The following CARD8 variants were observed in gnomAD, a reference collection of about 807,000 sequenced individuals.
CARD8 encodes caspase recruitment domain-containing protein 8.
CARD8 carries 38 observed loss-of-function variants against 53.2 expected under a neutral mutation model. That is an observed-to-expected ratio of 0.71 (90% CI 0.55 to 0.94). The LOEUF (loss-of-function observed/expected upper bound fraction) is 0.94, where lower values mean the gene tolerates loss of function less well. Among genes scored for constraint, CARD8 ranks in the 40% least tolerant of loss-of-function variants. The probability of loss-of-function intolerance (pLI) is 0.00; values close to 1 mark genes in which losing one functional copy is unlikely to be tolerated. For synonymous variants in CARD8, 245 were observed against 244.9 expected, an observed-to-expected ratio of 1.00 and a Z score of 0.00; for missense variants, 561 against 655.5, an observed-to-expected ratio of 0.86 and a Z score of 1.57.
chr19:48,218,829 T>C (rs1427683694), intron 12 of CARD8, 42 bp downstream of exon 12: 3 of 1,604,140 alleles, frequency 1.9e-6, no homozygotes, highest in Non-Finnish European at 2.6e-6. Context: ...AGGTACATGA[T>C]GGATCCCTGT....
chr19:48,221,709 T>C (rs1244542180), intron 11 of CARD8, 21 bp downstream of exon 11: 13 of 1,506,638 alleles, frequency 8.6e-6, no homozygotes, highest in Non-Finnish European at 9.9e-6. Context: ...ACCTGCTGAG[T>C]TGGGTTTGAA....
intron 3 of CARD8, among the ~76,000 whole-genome samples, chr19:48,247,160 C>A (rs369720939): frequency 7.2e-5 from 11 of 152,152 alleles, no homozygotes; most frequent in African/African-American, 2.7e-4. Flanking sequence ...CCCGTCTCTA[C>A]GAAAAATACA....
At chr19:48,203,947 C>T (rs2037249102), downstream of CARD8, 1 of 294,574 alleles carries the variant, frequency 3.4e-6, no homozygotes, top group Non-Finnish European at 6.8e-6. Flanking sequence ...GCGTCCAAGT[C>T]CCTTTGCTGA....
At chr19:48,242,099 G>GT (rs1229247841) in intron 3 of CARD8, among the ~76,000 whole-genome samples, 1 of 152,184 alleles carries the variant, frequency 6.6e-6, no homozygotes, top group African/African-American at 2.4e-5. Context: ...TGGACCGAAT[G>GT]TATGTGTCCA....
chr19:48,244,075 A>G (rs962317896), intron 3 of CARD8, among the ~76,000 whole-genome samples: 2 of 152,008 alleles, frequency 1.3e-5, no homozygotes, highest in African/African-American at 4.8e-5. Flanking sequence ...TACAAACCTG[A>G]ATTACACAGA....
intron 3 of CARD8, among the ~76,000 whole-genome samples, chr19:48,249,003 G>A (rs1213893426): frequency 6.6e-6 from 1 of 152,166 alleles, no homozygotes; most frequent in Admixed American, 6.5e-5. Context: ...TTCGAAGCCA[G>A]ACTGGCAACA....
intron 10 of CARD8, among the ~76,000 whole-genome samples, chr19:48,222,897 G>A (rs553501581): frequency 3.8e-4 from 58 of 152,312 alleles, no homozygotes; most frequent in African/African-American, 1.3e-3. Flanking sequence ...GACCAAGAGG[G>A]ACACAAGGGG....
intron 11 of CARD8, among the ~76,000 whole-genome samples, chr19:48,221,206 G>T (rs979923216): frequency 6.6e-6 from 1 of 152,248 alleles, no homozygotes; most frequent in East Asian, 1.9e-4. Flanking sequence ...CTTCTTGGGA[G>T]AAATTACATG....
At chr19:48,233,348 G>T (rs891273198) in intron 6 of CARD8, 1 of 456,146 alleles carries the variant, frequency 2.2e-6, no homozygotes, top group Non-Finnish European at 4.4e-6. Flanking sequence ...TTATTTCGAC[G>T]TGAAAGAGAC....
chr19:48,252,808 T>TATATATAC (rs113740488), intron 1 of CARD8, among the ~76,000 whole-genome samples: 5,263 of 148,250 alleles, frequency 0.036, 142 homozygotes, highest in African/African-American at 0.07. Context: ...TATCAGTATA[T>TATATATAC]ACACACACAC....
chr19:48,225,940 C>T (rs761395768), intron 10 of CARD8, among the ~76,000 whole-genome samples: 4 of 151,512 alleles, frequency 2.6e-5, no homozygotes, highest in Non-Finnish European at 5.9e-5. Flanking sequence ...ATAGTCCCAG[C>T]TACTCAGGAG....
chr19:48,237,019 G>A (rs979979301), intron 5 of CARD8, among the ~76,000 whole-genome samples: 21 of 151,946 alleles, frequency 1.4e-4, no homozygotes, highest in African/African-American at 4.6e-4. Flanking sequence ...CAGGTGGTCC[G>A]CCCCTCTCAG....
At chr19:48,204,219 A>G, downstream of CARD8, 1 of 455,588 alleles carries the variant, frequency 2.2e-6, no homozygotes, top group South Asian at 1.6e-5. Context: ...AGGGGGATTC[A>G]AAGGTTGGCG....
intron 3 of CARD8, 75 bp from the exon 4 acceptor site, chr19:48,241,138 C>A: frequency 2.5e-6 from 2 of 801,278 alleles, no homozygotes; most frequent in Non-Finnish European, 4.0e-6. Context: ...CTGTGTCTCT[C>A]AAAGGTTGAC....
chr19:48,244,706 C>T (rs563668743), intron 3 of CARD8, among the ~76,000 whole-genome samples: 37 of 152,160 alleles, frequency 2.4e-4, no homozygotes, highest in Non-Finnish European at 4.6e-4. Context: ...AGGCATGGAA[C>T]GGTCCCATGC....
chr19:48,254,579 G>T (rs774108569), intron 1 of CARD8, among the ~76,000 whole-genome samples: 1 of 151,972 alleles, frequency 6.6e-6, no homozygotes, highest in Non-Finnish European at 1.5e-5. Context: ...GTGAAACCCC[G>T]TCTCTACTAA....
chr19:48,221,472 T>C (rs1042153285), intron 11 of CARD8, among the ~76,000 whole-genome samples: 6 of 152,152 alleles, frequency 3.9e-5, no homozygotes, highest in African/African-American at 1.4e-4. Context: ...AACAGGGAAA[T>C]GGAAATTTCA....
chr19:48,247,582 G>GGA (rs1459987186), intron 3 of CARD8, among the ~76,000 whole-genome samples: 2 of 151,124 alleles, frequency 1.3e-5, no homozygotes, highest in Non-Finnish European at 3.0e-5. Context: ...AAGAAACTCT[G>GGA]GATATATATA....
At chr19:48,207,727 T>C (rs1686062932), downstream of CARD8, among the ~76,000 whole-genome samples, 1 of 87,874 alleles carries the variant, frequency 1.1e-5, no homozygotes, top group African/African-American at 4.0e-5. Context: ...TTTATTGTTG[T>C]TTTTCTGTTT....
Sources: allele counts gnomAD v4.1 joint callset (sites outside exome capture counted in the v4.1 genomes callset), GRCh38; gene constraint gnomAD v4.1.1; transcripts MANE v1.5; gene names NCBI Gene and HGNC (gene_info 2026-07-23, HGNC 2026-07-21).